RABGAP1L: variants seen among roughly 807,000 people sequenced by gnomAD.
The protein encoded by RABGAP1L is RAB GTPase activating protein 1 like.
A neutral mutation model predicts 137.7 loss-of-function variants in RABGAP1L; 63 were observed. That is an observed-to-expected ratio of 0.46 (90% CI 0.37 to 0.56). RABGAP1L has a LOEUF of 0.56. Among genes scored for constraint, RABGAP1L ranks in the 20% least tolerant of loss-of-function variants. The probability of loss-of-function intolerance (pLI) is 0.00; values close to 1 mark genes in which losing one functional copy is unlikely to be tolerated. For missense variants in RABGAP1L, 1,095 were observed against 1,244.0 expected, an observed-to-expected ratio of 0.88 and a Z score of 1.80; for synonymous variants, 431 against 433.7, an observed-to-expected ratio of 0.99 and a Z score of 0.08.
At chr1:174,455,386 A>T (rs1263600131) in intron 13 of RABGAP1L, among the ~76,000 whole-genome samples, 1 of 152,164 alleles carries the variant, frequency 6.6e-6, no homozygotes, top group East Asian at 1.9e-4. Context: ...GATGCCAGTT[A>T]AAAATGGCAA....
intron 13 of RABGAP1L, among the ~76,000 whole-genome samples, chr1:174,580,785 A>G (rs1461235790): frequency 1.3e-5 from 2 of 152,252 alleles, no homozygotes; most frequent in Non-Finnish European, 2.9e-5. Flanking sequence ...TATAGTAAAA[A>G]AAAAGATTGA....
chr1:174,581,198 G>C (rs1668721353), intron 13 of RABGAP1L, among the ~76,000 whole-genome samples: 1 of 152,070 alleles, frequency 6.6e-6, no homozygotes, highest in African/African-American at 2.4e-5. Flanking sequence ...TGAAAGCAAA[G>C]CAACACAAAA....
chr1:174,831,846 A>G (rs1214655110), intron 19 of RABGAP1L, among the ~76,000 whole-genome samples: 1 of 148,398 alleles, frequency 6.7e-6, no homozygotes, highest in Non-Finnish European at 1.5e-5. Context: ...TTAACTTTAG[A>G]TTGATCTAAC....
chr1:174,905,049 A>G (rs767663825), intron 19 of RABGAP1L, among the ~76,000 whole-genome samples: 10 of 152,164 alleles, frequency 6.6e-5, no homozygotes, highest in Non-Finnish European at 1.0e-4. Flanking sequence ...CAGCACTCCA[A>G]TCATGCACTA....
At chr1:174,516,132 C>T (rs908418633) in intron 13 of RABGAP1L, among the ~76,000 whole-genome samples, 1 of 137,782 alleles carries the variant, frequency 7.3e-6, no homozygotes, top group Non-Finnish European at 1.6e-5. Context: ...CACACACACA[C>T]ACACACACAC....
At chr1:174,601,598 A>G (rs1557886720) in intron 13 of RABGAP1L, among the ~76,000 whole-genome samples, 2 of 152,182 alleles carry the variant, frequency 1.3e-5, no homozygotes, top group Non-Finnish European at 2.9e-5. Flanking sequence ...ACACCTATGT[A>G]ACAAACCTGC....
intron 17 of RABGAP1L, among the ~76,000 whole-genome samples, chr1:174,733,526 T>G (rs1021112285): frequency 6.6e-5 from 10 of 152,242 alleles, no homozygotes; most frequent in African/African-American, 2.4e-4. Context: ...TGTGAAACAT[T>G]TCCAAGTTTA....
At chr1:174,756,471 T>TA (rs1478169641) in intron 18 of RABGAP1L, among the ~76,000 whole-genome samples, 99 of 150,848 alleles carry the variant, frequency 6.6e-4, no homozygotes, top group African/African-American at 1.5e-3. Flanking sequence ...ATATATATAT[T>TA]TTTTTTTGAA....
chr1:174,915,314 C>G (rs1660675433), intron 19 of RABGAP1L, among the ~76,000 whole-genome samples: 1 of 152,172 alleles, frequency 6.6e-6, no homozygotes. Context: ...TCCAGTTTCT[C>G]CATATCCTCA....
intron 8 of RABGAP1L, among the ~76,000 whole-genome samples, chr1:174,274,379 T>C (rs991206071): frequency 6.6e-6 from 1 of 152,176 alleles, no homozygotes; most frequent in Non-Finnish European, 1.5e-5. Flanking sequence ...AATGTATTTT[T>C]ACTGTACCTT....
chr1:174,839,057 T>TTGG (rs1558133706), intron 19 of RABGAP1L, among the ~76,000 whole-genome samples: 19 of 56,600 alleles, frequency 3.4e-4, no homozygotes, highest in African/African-American at 8.7e-4. Flanking sequence ...GTGTGTGTGT[T>TTGG]GGTAGGGGTG....
At chr1:174,555,090 A>G (rs1666790992) in intron 13 of RABGAP1L, among the ~76,000 whole-genome samples, 2 of 152,210 alleles carry the variant, frequency 1.3e-5, no homozygotes, top group African/African-American at 4.8e-5. Context: ...AACAGCAAGC[A>G]TACTTTCACA....
At chr1:174,355,613 A>G (rs1338172736) in intron 11 of RABGAP1L, among the ~76,000 whole-genome samples, 2 of 152,080 alleles carry the variant, frequency 1.3e-5, no homozygotes, top group East Asian at 3.8e-4. Flanking sequence ...TAAAAGTATA[A>G]TAATAATAAA....
At chr1:174,836,008 T>C (rs1173295534) in intron 19 of RABGAP1L, among the ~76,000 whole-genome samples, 1 of 152,226 alleles carries the variant, frequency 6.6e-6, no homozygotes, top group Non-Finnish European at 1.5e-5. Flanking sequence ...TCCCCATGCC[T>C]ACTTTTCTGC....
intron 1 of RABGAP1L, among the ~76,000 whole-genome samples, chr1:174,181,660 C>T (rs1041531296): frequency 6.6e-6 from 1 of 152,162 alleles, no homozygotes; most frequent in Admixed American, 6.5e-5. Flanking sequence ...TGAGCATCAT[C>T]TGTGGATTTT....
chr1:174,380,318 G>T (rs1316943662), intron 12 of RABGAP1L, among the ~76,000 whole-genome samples: 2 of 152,106 alleles, frequency 1.3e-5, no homozygotes, highest in African/African-American at 4.8e-5. Context: ...GAGTTAGGGA[G>T]GATTCCCTCT....
At chr1:174,939,727 G>T (rs1472804820) in intron 19 of RABGAP1L, among the ~76,000 whole-genome samples, 1 of 151,996 alleles carries the variant, frequency 6.6e-6, no homozygotes, top group Non-Finnish European at 1.5e-5. Context: ...AAATTTAATT[G>T]GTTATCACAA....
At chr1:174,259,380 T>G (rs1673388108) in intron 7 of RABGAP1L, among the ~76,000 whole-genome samples, 1 of 152,180 alleles carries the variant, frequency 6.6e-6, no homozygotes, top group African/African-American at 2.4e-5. Context: ...ATTATCTTCA[T>G]TTTTCAGTTG....
intron 7 of RABGAP1L, among the ~76,000 whole-genome samples, chr1:174,263,480 A>G (rs192943470): frequency 3.2e-3 from 487 of 152,310 alleles, no homozygotes; most frequent in Non-Finnish European, 6.0e-3. Context: ...GCTGACTTAC[A>G]GTATCTAATT....
Sources: gnomAD v4.1 joint callset for allele counts (sites outside exome capture counted in the v4.1 genomes callset) on GRCh38, gnomAD v4.1.1 for gene constraint, MANE v1.5 for transcripts, NCBI Gene and HGNC (gene_info 2026-07-23, HGNC 2026-07-21) for gene names.